The following PHKB variants were observed in gnomAD, a reference collection of about 807,000 sequenced individuals.
PHKB encodes the protein phosphorylase b kinase regulatory subunit beta.
PHKB carries 122 observed loss-of-function variants against 152.1 expected under a neutral mutation model. That is an observed-to-expected ratio of 0.80 (90% confidence interval 0.69 to 0.93). PHKB has a LOEUF of 0.93. Ranked by LOEUF, PHKB falls within the 40% of genes least tolerant of loss-of-function variation. The pLI is 0.00. For missense variants in PHKB, 1,304 were observed against 1,328.4 expected, an observed-to-expected ratio of 0.98 and a Z score of 0.29; for synonymous variants, 436 against 464.9, an observed-to-expected ratio of 0.94 and a Z score of 0.80.
intron 26 of PHKB, among the ~76,000 whole-genome samples, chr16:47,681,620 T>C (rs1006258183): frequency 6.6e-6 from 1 of 152,112 alleles, no homozygotes; most frequent in African/African-American, 2.4e-5. Flanking sequence ...TTCCATTTGC[T>C]TGGTAGATCT....
intron 7 of PHKB, among the ~76,000 whole-genome samples, chr16:47,576,781 C>T (rs1971757025): frequency 6.6e-6 from 1 of 152,072 alleles, no homozygotes; most frequent in Non-Finnish European, 1.5e-5. Flanking sequence ...GTCACTCCTG[C>T]ATTATTTTGA....
intron 7 of PHKB, among the ~76,000 whole-genome samples, chr16:47,561,096 A>T (rs1971468407): frequency 6.6e-6 from 1 of 152,244 alleles, no homozygotes; most frequent in Non-Finnish European, 1.5e-5. Context: ...ATTTTTGGAA[A>T]GAACCTGAGG....
chr16:47,612,886 C>T (rs1038752081), intron 14 of PHKB, among the ~76,000 whole-genome samples: 3 of 152,216 alleles, frequency 2.0e-5, no homozygotes, highest in South Asian at 2.1e-4. Context: ...GTGAAGTGGA[C>T]TGATGAAATA....
At chr16:47,698,350 T>C in intron 29 of PHKB, 98 bp from the exon 30 acceptor site, 1 of 917,920 alleles carries the variant, frequency 1.1e-6, no homozygotes, top group Middle Eastern at 3.2e-4. Context: ...CCTCATCATA[T>C]AGAATATCCT....
chr16:47,679,050 T>C (rs1373452686), intron 26 of PHKB, among the ~76,000 whole-genome samples: 1 of 152,224 alleles, frequency 6.6e-6, no homozygotes, highest in African/African-American at 2.4e-5. Context: ...TTGCTTGTTT[T>C]TGTCAGGTTT....
intron 13 of PHKB, among the ~76,000 whole-genome samples, chr16:47,603,501 T>A (rs1478503328): frequency 6.6e-6 from 1 of 151,110 alleles, no homozygotes; most frequent in Non-Finnish European, 1.5e-5. Flanking sequence ...ATAACTGACT[T>A]TCTTTTTTTT....
chr16:47,523,864 C>T (rs1420366682), intron 6 of PHKB, among the ~76,000 whole-genome samples: 3 of 152,218 alleles, frequency 2.0e-5, no homozygotes, highest in African/African-American at 7.2e-5. Context: ...AGCTGTCAGA[C>T]ATTCAAATAG....
intron 7 of PHKB, among the ~76,000 whole-genome samples, chr16:47,564,760 A>T (rs1971536249): frequency 6.6e-6 from 1 of 151,938 alleles, no homozygotes; most frequent in Non-Finnish European, 1.5e-5. Context: ...ATCCATCTTG[A>T]GTTAATTTTT....
chr16:47,570,554 C>A (rs1189647961), intron 7 of PHKB, among the ~76,000 whole-genome samples: 1 of 151,896 alleles, frequency 6.6e-6, no homozygotes, highest in African/African-American at 2.4e-5. Context: ...ATTCTTTCTT[C>A]TACTTGATCC....
chr16:47,602,042 A>G (rs971581952), intron 13 of PHKB, among the ~76,000 whole-genome samples: 1 of 152,130 alleles, frequency 6.6e-6, no homozygotes, highest in African/African-American at 2.4e-5. Context: ...GTTAATGAAA[A>G]TTTGCTTGAA....
intron 26 of PHKB, chr16:47,675,624 C>G (rs1464443310): frequency 6.6e-6 from 1 of 152,042 alleles, no homozygotes; most frequent in East Asian, 1.9e-4. Flanking sequence ...AGAAGTTCAC[C>G]TTGGAGGAGG....
chr16:47,581,825 G>A (rs548384293), intron 8 of PHKB, among the ~76,000 whole-genome samples: 15 of 152,082 alleles, frequency 9.9e-5, no homozygotes, highest in South Asian at 8.4e-4. Context: ...GATTACAGGC[G>A]GCTGCCACCA....
chr16:47,477,526 AT>A (rs1422074245), intron 1 of PHKB, among the ~76,000 whole-genome samples: 71 of 152,286 alleles, frequency 4.7e-4, no homozygotes, highest in Non-Finnish European at 9.0e-4. Context: ...ATAAGAACAT[AT>A]TTTCATAGTA....
chr16:47,499,402 A>G (rs140839359), intron 2 of PHKB, among the ~76,000 whole-genome samples: 2 of 152,174 alleles, frequency 1.3e-5, no homozygotes, highest in Admixed American at 1.3e-4. Flanking sequence ...ACTGATTTTT[A>G]AAAAATATTA....
intron 26 of PHKB, among the ~76,000 whole-genome samples, chr16:47,682,246 T>G (rs1341975535): frequency 6.6e-6 from 1 of 152,204 alleles, no homozygotes; most frequent in Admixed American, 6.5e-5. Flanking sequence ...GTCTTGGAGT[T>G]GCTCTTCTCG....
chr16:47,486,445 T>C (rs1970050926), intron 1 of PHKB, among the ~76,000 whole-genome samples: 2 of 152,220 alleles, frequency 1.3e-5, no homozygotes, highest in Admixed American at 1.3e-4. Context: ...CTTGAAAATA[T>C]ATTGTATCTT....
intron 10 of PHKB, chr16:47,590,937 G>C (rs1567318047): frequency 6.6e-6 from 1 of 152,060 alleles, no homozygotes; most frequent in African/African-American, 2.4e-5. Flanking sequence ...TTTCATTTCT[G>C]CATGGTCTCC....
Position 47,548,314 on chromosome 16 carries a change from G to A in PHKB, c.710+766G>A, listed in dbSNP as rs1597075725. 2.6e-5 allele frequency: 4 copies of A among 152,214 alleles called. No homozygotes were observed. In the South Asian group the frequency reaches 8.3e-4, roughly 32 times the overall value. The allele number at this position is 152,214 out of a possible 1,614,324, so 9.4% of individuals were successfully genotyped here. On this transcript the variant is annotated intron_variant, in intron 7 of 30. Coordinates refer to ENST00000323584, the MANE Select transcript of PHKB (RefSeq NM_000293.3). ...ATTATTGGGACTTAAATTAAGTAAA[G>A]AAACAGTCTAGAGGCTGGGCACGGT...
intron 26 of PHKB, among the ~76,000 whole-genome samples, chr16:47,678,132 G>A (rs1379961662): frequency 6.6e-6 from 1 of 151,908 alleles, no homozygotes; most frequent in African/African-American, 2.4e-5. Flanking sequence ...GTATTCCATG[G>A]TGTATATGTG....
Sources: gnomAD v4.1 joint callset for allele counts (sites outside exome capture counted in the v4.1 genomes callset) on GRCh38, gnomAD v4.1.1 for gene constraint, MANE v1.5 for transcripts, NCBI Gene and HGNC (gene_info 2026-07-23, HGNC 2026-07-21) for gene names.